NUP210: variants seen among roughly 807,000 people sequenced by gnomAD.
The protein encoded by NUP210 is nuclear pore membrane glycoprotein 210.
Under a neutral mutation model 196.0 loss-of-function variants are expected in NUP210, and 151 were observed. The ratio of observed to expected loss-of-function variants is 0.77; its 90% CI spans 0.67 to 0.88. The LOEUF is 0.88. Among genes scored for constraint, NUP210 ranks in the 40% least tolerant of loss-of-function variants. NUP210 has a pLI of 0.00. For synonymous variants in NUP210, 1,070 were observed against 1,052.7 expected, an observed-to-expected ratio of 1.02 and a Z score of -0.32; for missense variants, 2,314 against 2,493.7, an observed-to-expected ratio of 0.93 and a Z score of 1.53.
At chr3:13,404,469 C>T (rs1436699383) in intron 1 of NUP210, among the ~76,000 whole-genome samples, 3 of 152,226 alleles carry the variant, frequency 2.0e-5, no homozygotes, top group Admixed American at 6.5e-5. Context: ...GTATTCATTA[C>T]ATTATTATTT....
chr3:13,376,299 C>T lies in NUP210; in HGVS notation c.1285G>A (p.Val429Met). ...TAIDAALTSV[V>M]DQDGGVHILQ... ...GGGAGACACCAACTTGCCTGGTCCA[C>T]CACAGAGGTGAGGGCCGCGTCAATG... Residue 429 changes from valine (V) to methionine (M), a missense_variant, in exon 10 of 40, where the codon GTG becomes ATG. Val to Met is a conservative substitution (Grantham distance 21). Transcript: ENST00000254508. The T allele has an allele frequency of 6.2e-7, 1 of 1,613,612 alleles. No homozygotes were observed. Among genetic ancestry groups the T allele is most frequent in the East Asian group, 2.2e-5 (1 of 44,888 alleles).
chr3:13,343,055 G>A (rs1011982180), intron 21 of NUP210, 120 bp downstream of exon 21: 8 of 1,208,580 alleles, frequency 6.6e-6, no homozygotes, highest in Non-Finnish European at 8.3e-6. Flanking sequence ...GCTCACAGGG[G>A]AAGGGATGCA....
At chr3:13,417,962 T>C (rs945225236) in intron 1 of NUP210, among the ~76,000 whole-genome samples, 1 of 152,216 alleles carries the variant, frequency 6.6e-6, no homozygotes, top group African/African-American at 2.4e-5. Context: ...AAAGTACAGC[T>C]ATAGAATCTC....
At chr3:13,404,268 A>G (rs547870551) in intron 1 of NUP210, among the ~76,000 whole-genome samples, 1 of 152,310 alleles carries the variant, frequency 6.6e-6, no homozygotes, top group South Asian at 2.1e-4. Context: ...AAAGCACAAC[A>G]GAAAGTGTCT....
intron 16 of NUP210, chr3:13,354,548 G>C (rs1232994806): frequency 1.9e-5 from 3 of 161,882 alleles, no homozygotes; most frequent in Non-Finnish European, 4.1e-5. Context: ...CTGTGGGCAG[G>C]CTGCTCTCCT....
In NUP210 at chr3:13,373,111, T is replaced by C. The variant is rs116227211; in HGVS notation, c.1587+607A>G. Among the ~76,000 whole-genome samples, 499 of 152,242 alleles carry C rather than the reference T, an allele frequency of 3.3e-3. 5 individuals are homozygous for C. The highest frequency in any genetic ancestry group is 0.012 in the African/African-American group (488 of 41,550). On this transcript the variant is annotated intron_variant, in intron 12 of 39. Coordinates refer to ENST00000254508, the MANE Select transcript of NUP210 (RefSeq NM_024923.4). ...GCAGCTGGACTCCATGGGACACCCC[T>C]TCCTGCCCCAAATGAAGGAATAAAG...
rs202054040 is a variant in NUP210 at position 13,401,892 on chromosome 3, T to TAA, written c.168-2033_168-2032dup. ...TTTTGCCATAAACCTAAAACTGCTT[T>TAA]AAAAAAAAAAAAGTCTACTCTGCCA... On this transcript the variant is annotated intron_variant, in intron 1 of 39. Coordinates refer to ENST00000254508, the MANE Select transcript of NUP210 (RefSeq NM_024923.4). Among the ~76,000 whole-genome samples the TAA allele has an allele frequency of 5.5e-5, 8 of 146,374 alleles. No individual in the cohort carries two copies. The East Asian group carries it at 1.6e-3, about 29-fold the overall frequency.
intron 3 of NUP210, among the ~76,000 whole-genome samples, chr3:13,395,665 G>C (rs188757629): frequency 6.6e-6 from 1 of 152,122 alleles, no homozygotes; most frequent in African/African-American, 2.4e-5. Context: ...TGCAGGGGTC[G>C]ACCGTGTTTT....
At chr3:13,343,809 T>C (rs897554029) in intron 20 of NUP210, among the ~76,000 whole-genome samples, 2 of 152,148 alleles carry the variant, frequency 1.3e-5, no homozygotes, top group African/African-American at 4.8e-5. Context: ...ACGAGGCAGA[T>C]GCTTTCCCAC....
chr3:13,320,193 C>T (rs1696463421), intron 36 of NUP210, among the ~76,000 whole-genome samples: 1 of 152,194 alleles, frequency 6.6e-6, no homozygotes, highest in African/African-American at 2.4e-5. Context: ...GTAATGACAC[C>T]TGGGCACTGC....
rs1559305357 is a variant in NUP210 at position 13,323,412 on chromosome 3, C to T, written c.4665G>A (p.Gln1555=). The T allele has an allele frequency of 1.2e-6, 2 of 1,614,114 alleles. No individual in the cohort carries two copies. Among genetic ancestry groups the T allele is most frequent in the Non-Finnish European group, 1.7e-6 (2 of 1,180,000 alleles). ...GGTGGAGGTGACGGGCCATGATCCT[C>T]TGAGGGACGCTGACCACCACCTAGA... The part of the protein sequence containing the change: ...TYKEVVVSVP[Q]RIMARHLHPI... Residue 1555 remains glutamine (Q), a synonymous_variant, in exon 34 of 40, where the codon CAG becomes CAA. Coordinates refer to ENST00000254508, the MANE Select transcript of NUP210 (RefSeq NM_024923.4). The surrounding 1 kb of genome is among the most constrained non-coding windows in gnomAD (Gnocchi z 4.3).
At chr3:13,368,269 G>T (rs1179742687) in intron 13 of NUP210, among the ~76,000 whole-genome samples, 1 of 152,080 alleles carries the variant, frequency 6.6e-6, no homozygotes, top group Non-Finnish European at 1.5e-5. Context: ...TAGAGGCAAG[G>T]TCCCATTATG....
chr3:13,360,514 A>C (rs747825584), intron 14 of NUP210, 23 bp from the exon 15 acceptor site: 4 of 1,579,204 alleles, frequency 2.5e-6, no homozygotes, highest in Non-Finnish European at 3.5e-6. Context: ...GAGGCAGAAG[A>C]CTTGGCATTC....
chr3:13,379,652 G>A lies in NUP210; in HGVS notation c.887C>T (p.Pro296Leu), dbSNP rs1429945701. Reference protein sequence around the residue: ...QNSIPGPEGDPARPVAVLAQD... With the variant: ...QNSIPGPEGDLARPVAVLAQD... ...GGCCAAGACAGCCACCGGCCGGGCT[G>A]GGTCTCCTTCGGGGCCCGGGATGCT... is the stretch of plus-strand genomic sequence containing the variant. The change falls in exon 7 of 40, where the codon CCA (proline) becomes CTA (leucine). Residue 296 changes from proline (P) to leucine (L), a missense_variant. Transcript: ENST00000254508. This position sits in a 1 kb window ranked among gnomAD's most constrained non-coding sequence, Gnocchi z 4.2. 6.2e-7 allele frequency: 1 copy of A among 1,614,014 alleles called. No homozygotes were observed. Among genetic ancestry groups the A allele is most frequent in the Admixed American group, 1.7e-5 (1 of 60,014 alleles).
At chr3:13,327,468 G>T in intron 31 of NUP210, 31 bp from the exon 32 acceptor site, 3 of 1,522,146 alleles carry the variant, frequency 2.0e-6, no homozygotes, top group Non-Finnish European at 2.7e-6. Context: ...AGGGCTCTCA[G>T]TCTCGGGAAA....
chr3:13,346,591 G>A (rs1006910760), intron 20 of NUP210, among the ~76,000 whole-genome samples: 1 of 152,188 alleles, frequency 6.6e-6, no homozygotes, highest in Admixed American at 6.5e-5. Context: ...CTGTGCATGT[G>A]GGGGCTGAAA....
At chr3:13,331,758 T>C (rs1273641741) in intron 29 of NUP210, among the ~76,000 whole-genome samples, 2 of 152,168 alleles carry the variant, frequency 1.3e-5, no homozygotes, top group Non-Finnish European at 2.9e-5. Flanking sequence ...GCCATTCAAA[T>C]GCAAGCCACT....
At chr3:13,386,874 C>T (rs903401885) in intron 5 of NUP210, among the ~76,000 whole-genome samples, 1 of 152,188 alleles carries the variant, frequency 6.6e-6, no homozygotes, top group Non-Finnish European at 1.5e-5. Flanking sequence ...GCCCGCCTTT[C>T]ACCCCCGACC....
At chr3:13,325,415 G>A (rs1696708181) in intron 33 of NUP210, among the ~76,000 whole-genome samples, 1 of 152,228 alleles carries the variant, frequency 6.6e-6, no homozygotes, top group Non-Finnish European at 1.5e-5. Context: ...GGAAGAGACA[G>A]CAGGTTTTGT....
Sources: allele counts gnomAD v4.1 joint callset (sites outside exome capture counted in the v4.1 genomes callset), GRCh38; gene constraint gnomAD v4.1.1; non-coding constraint Gnocchi (gnomAD v3.1); transcripts MANE v1.5; gene names NCBI Gene and HGNC (gene_info 2026-07-23, HGNC 2026-07-21).